The following CAMK2A variants were observed in gnomAD, a reference collection of about 807,000 sequenced individuals.
CAMK2A encodes calcium/calmodulin dependent protein kinase II alpha.
Under a neutral mutation model 79.2 loss-of-function variants are expected in CAMK2A, and 7 were observed. That is an observed-to-expected ratio of 0.09 (90% CI 0.05 to 0.17). The LOEUF is 0.17. Ranked by LOEUF, CAMK2A falls within the 10% of genes least tolerant of loss-of-function variation. CAMK2A has a pLI of 1.00. For missense variants in CAMK2A, 214 were observed against 646.4 expected, an observed-to-expected ratio of 0.33 and a Z score of 7.25; for synonymous variants, 242 against 251.7, an observed-to-expected ratio of 0.96 and a Z score of 0.36.
At chr5:150,264,559 A>G (rs888692798) in intron 3 of CAMK2A, among the ~76,000 whole-genome samples, 2 of 152,304 alleles carry the variant, frequency 1.3e-5, no homozygotes, top group East Asian at 3.9e-4. Context: ...GTAGGCAGGC[A>G]GGTGCCAGGT....
chr5:150,289,475 C>A (rs1757572859), intron 1 of CAMK2A, 89 bp downstream of exon 1: 2 of 1,000,918 alleles, frequency 2.0e-6, no homozygotes, highest in South Asian at 1.4e-5. Flanking sequence ...AAGGAATGCT[C>A]CCCAAGCACT....
intron 15 of CAMK2A, among the ~76,000 whole-genome samples, chr5:150,232,152 TAGTG>T (rs906911879): frequency 1.3e-5 from 2 of 152,160 alleles, no homozygotes; most frequent in Non-Finnish European, 2.9e-5. Flanking sequence ...GCCAAATACA[TAGTG>T]AGCAGAATCC....
At chr5:150,247,899 G>T in intron 11 of CAMK2A, 85 bp from the exon 12 acceptor site, 1 of 1,109,892 alleles carries the variant, frequency 9.0e-7, no homozygotes, top group Non-Finnish European at 1.4e-6. Flanking sequence ...GGGCCACGGG[G>T]AAGGAGAGGC....
chr5:150,265,035 G>T lies in CAMK2A; in HGVS notation c.158-20C>A, dbSNP rs1756452198. On this transcript the variant is annotated intron_variant, in intron 2 of 18. Transcript: ENST00000671881. ...GATGGTCTGAAACACAGAGGCTCAT[G>T]TGAGTCCCCGGTGAGGAAGGAACCA... The T allele has an allele frequency of 4.4e-6, 7 of 1,587,862 alleles. No individual in the cohort carries two copies. In the East Asian group the frequency reaches 1.1e-4, roughly 25 times the overall value.
At chr5:150,242,847 C>G (rs1234053561) in intron 13 of CAMK2A, among the ~76,000 whole-genome samples, 1 of 152,192 alleles carries the variant, frequency 6.6e-6, no homozygotes, top group Non-Finnish European at 1.5e-5. Context: ...GGCCAGGCCC[C>G]CAGGTTATTC....
At chr5:150,285,565 TG>T (rs1467281730) in intron 1 of CAMK2A, among the ~76,000 whole-genome samples, 3 of 152,154 alleles carry the variant, frequency 2.0e-5, no homozygotes, top group Non-Finnish European at 4.4e-5. Context: ...GAGTTGCCTC[TG>T]GGCCACACTG....
chr5:150,252,902 G>T (rs1477891842), intron 7 of CAMK2A, among the ~76,000 whole-genome samples: 1 of 152,164 alleles, frequency 6.6e-6, no homozygotes, highest in Non-Finnish European at 1.5e-5. Context: ...CAGAACTCTG[G>T]TTCTTAACCA....
chr5:150,247,808 T>C lies in CAMK2A; in HGVS notation c.907A>G (p.Ile303Val), dbSNP rs1210191385. ...FNARRKLKGA[I>V]LTTMLATRNF... is the part of the protein sequence containing the mutation. Reference sequence around the variant, plus strand: ...CTGGTGGCCAGCATCGTGGTGAGAATGGCTCCCTGCAAGACATAAGAAGAG... The same window carrying C: ...CTGGTGGCCAGCATCGTGGTGAGAACGGCTCCCTGCAAGACATAAGAAGAG... The change falls in exon 12 of 19, where the codon ATT becomes GTT. Residue 303 changes from isoleucine (I) to valine (V), a missense_variant. Physicochemically the swap from Ile to Val is conservative, Grantham distance 29. Around this residue, in one of 4 missense-constraint regions of CAMK2A, gnomAD observed 1 missense variants for 35.3 expected, o/e 0.03. Transcript: ENST00000671881. 1 of 1,612,656 alleles carries C rather than the reference T, an allele frequency of 6.2e-7. No homozygotes were observed. Among genetic ancestry groups the C allele is most frequent in the Non-Finnish European group, 8.5e-7 (1 of 1,179,628 alleles).
chr5:150,282,272 A>G (rs1757247951), intron 1 of CAMK2A, among the ~76,000 whole-genome samples: 1 of 152,220 alleles, frequency 6.6e-6, no homozygotes, highest in Admixed American at 6.5e-5. Context: ...AGGGCTAGGA[A>G]CCGGAAGAAT....
rs576792650 is a variant in CAMK2A at position 150,245,052 on chromosome 5, C to T, written c.984+109G>A. 1.4e-4 allele frequency: 161 copies of T among 1,125,588 alleles called. 1 individual carries two copies. In the East Asian group the frequency reaches 3.7e-3, roughly 26 times the overall value. 69.7% of individuals were successfully genotyped at this position (1,125,588 alleles called of 1,614,324 possible). A position where few individuals can be genotyped will look rare whatever the true frequency, so the allele number is the denominator to read the frequency against. Reference sequence around the variant, plus strand: ...GGCCACAAATGTGGCCCACGTCTGCCCAGGACACCATCAGCAAGGCCCGGG... The same window carrying T: ...GGCCACAAATGTGGCCCACGTCTGCTCAGGACACCATCAGCAAGGCCCGGG... On this transcript the variant is annotated intron_variant, in intron 13 of 18. Transcript: ENST00000671881.
chr5:150,235,153 G>A (rs1242893756), intron 15 of CAMK2A, among the ~76,000 whole-genome samples: 1 of 152,146 alleles, frequency 6.6e-6, no homozygotes. Context: ...CTCTATTAAT[G>A]TAGCCTGAGA....
chr5:150,244,515 G>T (rs1376823190), intron 13 of CAMK2A, among the ~76,000 whole-genome samples: 1 of 152,270 alleles, frequency 6.6e-6, no homozygotes, highest in South Asian at 2.1e-4. Flanking sequence ...AGGCCCCAGA[G>T]AGCAGAGGGA....
intron 3 of CAMK2A, among the ~76,000 whole-genome samples, chr5:150,261,007 A>G (rs1420192994): frequency 6.6e-6 from 1 of 152,236 alleles, no homozygotes; most frequent in Non-Finnish European, 1.5e-5. Context: ...CCATGGCAAC[A>G]GGCTTTGGAA....
At chr5:150,226,021 C>T (rs538430282) in intron 17 of CAMK2A, among the ~76,000 whole-genome samples, 137 of 152,342 alleles carry the variant, frequency 9.0e-4, no homozygotes, top group Middle Eastern at 6.8e-3. Flanking sequence ...CCTGGGATTA[C>T]AGGCGTGAGC....
chr5:150,264,998 G>T lies in CAMK2A; in HGVS notation c.175C>A (p.Arg59Ser). Residue 59 changes from arginine (R) to serine (S), a missense_variant, in exon 3 of 19, where the codon CGT becomes AGT. Physicochemically the swap from Arg to Ser is moderately radical, Grantham distance 110. This residue lies in a region of CAMK2A where 72 missense variants were observed against 333.9 expected (regional missense o/e 0.22). Coordinates refer to ENST00000671881, the MANE Select transcript of CAMK2A (RefSeq NM_015981.4). ...AGCAGGCGGCAGATGCGGGCTTCAC[G>T]CTCCAGCTTCTGATGGTCTGAAACA... ...LSARDHQKLEREARICRLLKH... is the reference protein window; with the variant it reads ...LSARDHQKLESEARICRLLKH... 1 of 1,613,630 alleles carries T rather than the reference G, an allele frequency of 6.2e-7. No homozygotes were observed. The highest frequency in any genetic ancestry group is 8.5e-7 in the Non-Finnish European group (1 of 1,179,642).
At chr5:150,250,977 C>T (rs569379319) in intron 9 of CAMK2A, among the ~76,000 whole-genome samples, 167 bp from the exon 10 acceptor site, 2 of 152,338 alleles carry the variant, frequency 1.3e-5, no homozygotes, top group South Asian at 4.1e-4. Context: ...GGCCCTAGCC[C>T]CATACAAATC....
At chr5:150,228,961 T>C (rs530913589) in intron 16 of CAMK2A, among the ~76,000 whole-genome samples, 1 of 152,118 alleles carries the variant, frequency 6.6e-6, no homozygotes. Context: ...CAGGTCTTAG[T>C]CTTCTCGGAG....
In CAMK2A at chr5:150,256,588, C is replaced by T. The variant is rs748571681; in HGVS notation, c.396G>A (p.Val132=). 3 of 1,613,468 alleles carry T rather than the reference C, an allele frequency of 1.9e-6. No individual in the cohort carries two copies. Among genetic ancestry groups the T allele is most frequent in the South Asian group, 1.1e-5 (1 of 91,038 alleles). The change falls in exon 6 of 19, where the codon GTG becomes GTA. Residue 132 remains valine (V), a synonymous_variant. Coordinates refer to ENST00000671881, the MANE Select transcript of CAMK2A (RefSeq NM_015981.4). This position sits in a 1 kb window ranked among gnomAD's most constrained non-coding sequence, Gnocchi z 4.6. ...GGTTGCTCACCTTCAGGTCCCGGTGCACCACCCCCATCTGGTGGCAGTGCA... is the reference window on the plus strand; with the variant it reads ...GGTTGCTCACCTTCAGGTCCCGGTGTACCACCCCCATCTGGTGGCAGTGCA... ...AVLHCHQMGV[V]HRDLKPENLL...
intron 1 of CAMK2A, among the ~76,000 whole-genome samples, chr5:150,288,900 T>C (rs1353970678): frequency 6.6e-6 from 1 of 152,188 alleles, no homozygotes; most frequent in African/African-American, 2.4e-5. Context: ...GCACCCTTCA[T>C]ACCCTAGCCC....
Sources: gnomAD v4.1 joint callset for allele counts (sites outside exome capture counted in the v4.1 genomes callset) on GRCh38, gnomAD v4.1.1 for gene constraint, gnomAD v4.1.1 regional missense constraint, Gnocchi (gnomAD v3.1) non-coding constraint, MANE v1.5 for transcripts, NCBI Gene and HGNC (gene_info 2026-07-23, HGNC 2026-07-21) for gene names.